The following CTNND1 variants were observed in gnomAD, a reference collection of about 807,000 sequenced individuals.
CTNND1 encodes catenin delta 1.
A neutral mutation model predicts 112.1 loss-of-function variants in CTNND1; 16 were observed. That is an observed-to-expected ratio of 0.14 (90% CI 0.10 to 0.22). The LOEUF is 0.22. CTNND1 is among the 10% of genes least tolerant of loss of function. The probability of loss-of-function intolerance (pLI) is 1.00; values close to 1 mark genes in which losing one functional copy is unlikely to be tolerated. For missense variants in CTNND1, 1,008 were observed against 1,257.0 expected (o/e 0.80, Z 3.00); for synonymous variants, 420 against 446.5 (o/e 0.94, Z 0.75).
rs1045472661 is a variant in CTNND1, at chr11:57,795,667, G to A, written c.358G>A (p.Ala120Thr). 2 of 1,609,430 alleles carry A rather than the reference G, an allele frequency of 1.2e-6. No homozygotes were observed. The highest frequency in any genetic ancestry group is 1.3e-5 in the African/African-American group (1 of 74,792). The stretch of plus-strand genomic sequence containing the variant: ...CTACACGGAGGAGGATCCTGAGGGA[G>A]CCATGTCTGTAGTCTCTGTGGAGAC... ...ETYTEEDPEGAMSVVSVETSD... is the reference protein window; with the variant it reads ...ETYTEEDPEGTMSVVSVETSD... The change falls in exon 5 of 21, where the codon GCC becomes ACC. Residue 120 changes from alanine to threonine, a missense_variant. Around this residue, in one of 5 missense-constraint regions of CTNND1, gnomAD observed 404 missense variants for 457.9 expected, o/e 0.88. Transcript: ENST00000399050.
At position 57,808,302 on chromosome 11, in the gene CTNND1, A is replaced by C. The variant is rs754222100; in HGVS notation, c.2091+10A>C. 35 of 1,605,536 alleles carry C rather than the reference A, an allele frequency of 2.2e-5. No individual in the cohort carries two copies. Among genetic ancestry groups the C allele is most frequent in the Non-Finnish European group, 2.8e-5 (33 of 1,173,030 alleles). ...TGCTGGGCGCTGGACGGTACCTTTT[A>C]GAAAAGGGATTTGGAGATGGGAAAA... On this transcript the variant is annotated intron_variant, in intron 13 of 20. Transcript: ENST00000399050.
chr11:57,811,369 T>C, intron 16 of CTNND1, 30 bp from the exon 17 acceptor site: 1 of 1,555,462 alleles, frequency 6.4e-7, no homozygotes, highest in Non-Finnish European at 8.9e-7. Flanking sequence ...CAGTATTCTG[T>C]CACATTGTCG....
At chr11:57,772,547 T>C (rs2136096752) in intron 1 of CTNND1, among the ~76,000 whole-genome samples, 1 of 152,306 alleles carries the variant, frequency 6.6e-6, no homozygotes, top group Middle Eastern at 3.4e-3. Context: ...TGATTATCCC[T>C]GAAACTAACT....
chr11:57,782,193 GT>G (rs1419610097), intron 1 of CTNND1, among the ~76,000 whole-genome samples: 1 of 151,998 alleles, frequency 6.6e-6, no homozygotes, highest in East Asian at 1.9e-4. Context: ...TTATATCTTT[GT>G]TTTTTAAAAA....
In CTNND1 at chr11:57,812,909, C is replaced by T. The variant is rs547525264; in HGVS notation, c.2639-1402C>T. 5.8e-4 allele frequency among the ~76,000 whole-genome samples: 89 copies of T among 152,306 alleles called. 1 individual carries two copies. The highest frequency in any genetic ancestry group is 6.5e-4 in the Admixed American group (10 of 15,300). ...CATTTGGCAGACATTTTCTCAAAAA[C>T]GAATGCGATAAGCTTGTTGCTTTGA... On this transcript the variant is annotated intron_variant, in intron 17 of 20. Coordinates refer to ENST00000399050, the MANE Select transcript of CTNND1 (RefSeq NM_001085458.2).
chr11:57,783,663 T>A (rs10750867), intron 1 of CTNND1, among the ~76,000 whole-genome samples: 147,604 of 148,730 alleles, frequency 0.99, 73,239 homozygotes, highest in South Asian at 1. Context: ...CATCTCAAAA[T>A]AAAAAAAAAG....
chr11:57,799,976 C>T lies in CTNND1; in HGVS notation c.957-1757C>T, dbSNP rs1239303803. On this transcript the variant is annotated intron_variant, in intron 6 of 20. Transcript: ENST00000399050. ...CTATCTAAGCTATTCATTTTGTTTCCGTGTTTTTTTTTTTTTTTTTTTTTT... is the reference window on the plus strand; with the variant it reads ...CTATCTAAGCTATTCATTTTGTTTCTGTGTTTTTTTTTTTTTTTTTTTTTT... Among the ~76,000 whole-genome samples, 8 of 95,154 alleles carry T rather than the reference C, an allele frequency of 8.4e-5. No homozygotes were observed. The South Asian group carries it at 2.2e-3, about 27-fold the overall frequency. 62.4% of individuals were successfully genotyped at this position (95,154 alleles called of 152,430 possible).
rs1331588418 is a variant in CTNND1 at position 57,819,297 on chromosome 11, GTTAGA to G, written c.*2995_*2999del. On this transcript the variant is annotated 3_prime_UTR_variant, in exon 21 of 21. Coordinates refer to ENST00000399050, the MANE Select transcript of CTNND1 (RefSeq NM_001085458.2). The stretch of plus-strand genomic sequence containing the variant: ...TTGATTTGTGTCTAACAATTGTAGT[GTTAGA>G]TTAGAGGTTGAAGTACAAAGCCAAA... The G allele has an allele frequency of 1.3e-5, 2 of 152,190 alleles. No homozygotes were observed. The highest frequency in any genetic ancestry group is 2.9e-5 in the Non-Finnish European group (2 of 68,034). The allele number at this position is 152,190 out of a possible 1,614,324, so 9.4% of individuals were successfully genotyped here.
chr11:57,777,946 A>G (rs1278715016), intron 1 of CTNND1, among the ~76,000 whole-genome samples: 1 of 152,180 alleles, frequency 6.6e-6, no homozygotes, highest in African/African-American at 2.4e-5. Flanking sequence ...AGAAAAATGT[A>G]TCATTTATCT....
chr11:57,767,590 C>T (rs978043519), intron 1 of CTNND1, among the ~76,000 whole-genome samples: 1 of 151,986 alleles, frequency 6.6e-6, no homozygotes, highest in East Asian at 1.9e-4. Flanking sequence ...GGATGGGGAG[C>T]TAGACTGCCA....
At chr11:57,798,198 T>C (rs1336877694) in intron 6 of CTNND1, among the ~76,000 whole-genome samples, 1 of 151,396 alleles carries the variant, frequency 6.6e-6, no homozygotes, top group African/African-American at 2.4e-5. Flanking sequence ...AATACAAAAA[T>C]TAGCCGGGTG....
At chr11:57,775,788 G>T (rs963534893) in intron 1 of CTNND1, among the ~76,000 whole-genome samples, 4 of 152,100 alleles carry the variant, frequency 2.6e-5, no homozygotes, top group Non-Finnish European at 5.9e-5. Context: ...ACTAATGTTC[G>T]TGTATAGCCG....
At position 57,802,170 on chromosome 11, in the gene CTNND1, A is replaced by T. The variant is rs1383521319; in HGVS notation, c.1394A>T (p.Asp465Val). 6.2e-7 allele frequency: 1 copy of T among 1,613,162 alleles called. No homozygotes were observed. The highest frequency in any genetic ancestry group is 8.5e-7 in the Non-Finnish European group (1 of 1,179,484). Residue 465 changes from aspartate (D) to valine (V), a missense_variant, in exon 7 of 21, where the codon GAT (aspartate) becomes GTT (valine). This residue lies in a region of CTNND1 where 216 missense variants were observed against 342.8 expected (regional missense o/e 0.63). Coordinates refer to ENST00000399050, the MANE Select transcript of CTNND1 (RefSeq NM_001085458.2). ...ALVRLLRKAR[D>V]MDLTEVITGT... ...GTGCGATTGCTTCGAAAGGCTCGTGATATGGACCTTACTGAAGTTATTACC... is the reference window on the plus strand; with the variant it reads ...GTGCGATTGCTTCGAAAGGCTCGTGTTATGGACCTTACTGAAGTTATTACC...
intron 1 of CTNND1, among the ~76,000 whole-genome samples, chr11:57,763,046 T>G (rs566393632): frequency 3.3e-5 from 5 of 152,358 alleles, no homozygotes; most frequent in African/African-American, 1.2e-4. Flanking sequence ...TTTTTATTTT[T>G]AAACCAACCT....
intron 3 of CTNND1, among the ~76,000 whole-genome samples, chr11:57,792,751 G>T (rs1190776834): frequency 6.6e-6 from 1 of 151,712 alleles, no homozygotes; most frequent in African/African-American, 2.4e-5. Context: ...GGATGGTCTC[G>T]ATCTCTTGAC....
Position 57,809,336 on chromosome 11 carries a change from A to G in CTNND1, c.2305A>G (p.Asn769Asp), listed in dbSNP as rs1260265577. 6.2e-7 allele frequency: 1 copy of G among 1,613,990 alleles called. No individual in the cohort carries two copies. Among genetic ancestry groups the G allele is most frequent in the Non-Finnish European group, 8.5e-7 (1 of 1,179,864 alleles). The change falls in exon 15 of 21, where the codon AAT (asparagine) becomes GAT (aspartate). Residue 769 changes from asparagine to aspartate, a missense_variant. By Grantham distance (23) the Asn-to-Asp change is conservative. Around this residue, in one of 5 missense-constraint regions of CTNND1, gnomAD observed 254 missense variants for 279.5 expected, o/e 0.91. Transcript: ENST00000399050. ...LPGGQQNSSW[N>D]FSEDTVISIL... ...AGGAGGACAGCAGAACTCCTCTTGGAATTTCTCTGAGGACACTGTCATCTC... is the reference window on the plus strand; with the variant it reads ...AGGAGGACAGCAGAACTCCTCTTGGGATTTCTCTGAGGACACTGTCATCTC...
At chr11:57,806,586 A>G in intron 11 of CTNND1, 108 bp downstream of exon 11, 2 of 999,850 alleles carry the variant, frequency 2.0e-6, no homozygotes, top group East Asian at 2.6e-5. Flanking sequence ...CATGTAGGAA[A>G]GTTCAGTTGA....
rs1246844111 is a variant in CTNND1 at position 57,809,502 on chromosome 11, TTGAG to T, written c.2435+43_2435+46del. The stretch of plus-strand genomic sequence containing the variant: ...CACCTAAAATTACAGTCAAAAGAAT[TTGAG>T]TGAGTGGAGAGTTGTTTTCCTCTTT... On this transcript the variant is annotated intron_variant, in intron 15 of 20. Coordinates refer to ENST00000399050, the MANE Select transcript of CTNND1 (RefSeq NM_001085458.2). 8.4e-6 allele frequency: 13 copies of T among 1,556,678 alleles called. No homozygotes were observed. In the African/African-American group the frequency reaches 1.6e-4, roughly 19 times the overall value.
chr11:57,777,660 A>G (rs967819365), intron 1 of CTNND1, among the ~76,000 whole-genome samples: 1 of 152,208 alleles, frequency 6.6e-6, no homozygotes, highest in Non-Finnish European at 1.5e-5. Context: ...TACTACTTCT[A>G]GCAGATCTAA....
Sources: allele counts gnomAD v4.1 joint callset (sites outside exome capture counted in the v4.1 genomes callset), GRCh38; gene constraint gnomAD v4.1.1; regional missense constraint gnomAD v4.1.1; transcripts MANE v1.5; gene names NCBI Gene and HGNC (gene_info 2026-07-23, HGNC 2026-07-21).